Variants in SLC5A8 observed in about 807,000 individuals in gnomAD.
SLC5A8 encodes solute carrier family 5 member 8, also known as sodium-coupled monocarboxylate transporter 1.
Under a neutral mutation model 71.9 loss-of-function variants are expected in SLC5A8, and 55 were observed. That is an observed-to-expected ratio of 0.77 (90% CI 0.62 to 0.96). The LOEUF (loss-of-function observed/expected upper bound fraction) is 0.96, where lower values mean the gene tolerates loss of function less well. SLC5A8 is among the 40% of genes least tolerant of loss of function. The pLI is 0.00. For synonymous variants in SLC5A8, 307 were observed against 276.1 expected, an observed-to-expected ratio of 1.11 and a Z score of -1.11; for missense variants, 701 against 745.3, an observed-to-expected ratio of 0.94 and a Z score of 0.69.
rs1156573981 is a variant in SLC5A8 at position 101,204,579 on chromosome 12, A to C, written c.352-14T>G. 6.4e-7 allele frequency: 1 copy of C among 1,569,324 alleles called. No individual in the cohort carries two copies. The highest frequency in any genetic ancestry group is 8.6e-7 in the Non-Finnish European group (1 of 1,160,160). ...AAGTTCTAAATACTGTTGCAAAAAA[A>C]AAAATTATGCGAATCCTCTGGATGC... On this transcript the variant is annotated splice_polypyrimidine_tract_variant and intron_variant, in intron 1 of 14. Transcript: ENST00000536262.
At chr12:101,201,007 C>T (rs1455553355) in intron 3 of SLC5A8, among the ~76,000 whole-genome samples, 4 of 152,190 alleles carry the variant, frequency 2.6e-5, no homozygotes, top group African/African-American at 7.2e-5. Flanking sequence ...GTCATCAAAA[C>T]ACCTTCACTT....
chr12:101,157,917 A>C (rs1489696879), intron 14 of SLC5A8, among the ~76,000 whole-genome samples: 1 of 152,190 alleles, frequency 6.6e-6, no homozygotes, highest in African/African-American at 2.4e-5. Context: ...CAGAGAATAG[A>C]GGGATATACA....
At chr12:101,178,966 G>A (rs1265517047) in intron 10 of SLC5A8, among the ~76,000 whole-genome samples, 2 of 152,038 alleles carry the variant, frequency 1.3e-5, no homozygotes, top group Non-Finnish European at 2.9e-5. Context: ...AGTAAAAAAA[G>A]CAAACAATTG....
intron 7 of SLC5A8, among the ~76,000 whole-genome samples, 173 bp from the exon 8 acceptor site, chr12:101,184,395 G>A (rs142174150): frequency 1.4e-3 from 220 of 152,274 alleles, no homozygotes; most frequent in African/African-American, 5.0e-3. Flanking sequence ...TTAGAGAAAC[G>A]AATAGCACAG....
At chr12:101,209,425 A>G in intron 1 of SLC5A8, 73 bp downstream of exon 1, 12 of 1,211,032 alleles carry the variant, frequency 9.9e-6, no homozygotes, top group Non-Finnish European at 1.4e-5. Context: ...TGCCCCCAAG[A>G]AAACGCCTCC....
chr12:101,177,634 G>T (rs1220721953), intron 10 of SLC5A8, among the ~76,000 whole-genome samples: 1 of 152,066 alleles, frequency 6.6e-6, no homozygotes. Context: ...ATGCAAGGCT[G>T]GTTCTGCATT....
Position 101,162,059 on chromosome 12 carries a change from G to A in SLC5A8, c.1545C>T (p.Asn515=), listed in dbSNP as rs768390941. 1 of 1,613,370 alleles carries A rather than the reference G, an allele frequency of 6.2e-7. No homozygotes were observed. The highest frequency in any genetic ancestry group is 8.5e-7 in the Non-Finnish European group (1 of 1,179,552). The change falls in exon 13 of 15, where the codon AAC becomes AAT. Residue 515 remains asparagine, a synonymous_variant. Transcript: ENST00000536262. ...YNVQRTPLMD[N]WYSLSYLYFS... ...AGTACAGATATGATAAAGAATACCA[G>A]TTATCCATCAGTGGAGTCCTAAGAG...
At chr12:101,195,455 T>C (rs1198312158) in intron 3 of SLC5A8, among the ~76,000 whole-genome samples, 2 of 152,196 alleles carry the variant, frequency 1.3e-5, no homozygotes, top group Non-Finnish European at 2.9e-5. Flanking sequence ...GATACTGTGA[T>C]GGGTATTTCT....
chr12:101,181,525 C>T (rs184295431), intron 9 of SLC5A8, among the ~76,000 whole-genome samples: 2 of 152,268 alleles, frequency 1.3e-5, no homozygotes, highest in East Asian at 3.9e-4. Context: ...CAGTGCCTCC[C>T]GTTTTATATG....
chr12:101,172,656 C>G (rs746729260), intron 10 of SLC5A8, among the ~76,000 whole-genome samples: 1 of 152,056 alleles, frequency 6.6e-6, no homozygotes, highest in Non-Finnish European at 1.5e-5. Context: ...TTGGATGGTT[C>G]TGTCTGAAAG....
intron 3 of SLC5A8, 60 bp from the exon 4 acceptor site, chr12:101,195,222 CA>C (rs1869118975): frequency 3.2e-6 from 5 of 1,551,496 alleles, no homozygotes; most frequent in Non-Finnish European, 2.6e-6. Context: ...AAATAATCCT[CA>C]AAAATCATCA....
rs2096125844 is a variant in SLC5A8, at chr12:101,155,958, A to C, written c.*1321T>G. On this transcript the variant is annotated 3_prime_UTR_variant, in exon 15 of 15. Coordinates refer to ENST00000536262, the MANE Select transcript of SLC5A8 (RefSeq NM_145913.5). ...ATATTTCTCTTATGTTTCTAAAAAA[A>C]ATTGAGTTTAAAAAAGAACTTTTAA... The C allele has an allele frequency of 1.3e-5, 2 of 152,114 alleles. No homozygotes were observed. 9.4% of individuals were successfully genotyped at this position (152,114 alleles called of 1,614,324 possible). A position where few individuals can be genotyped will look rare whatever the true frequency, so the allele number is the denominator to read the frequency against.
chr12:101,200,671 G>C (rs1035482901), intron 3 of SLC5A8, among the ~76,000 whole-genome samples: 1 of 151,880 alleles, frequency 6.6e-6, no homozygotes, highest in African/African-American at 2.4e-5. Flanking sequence ...ATTTCTAAAG[G>C]ACATACTGAA....
intron 3 of SLC5A8, among the ~76,000 whole-genome samples, 153 bp downstream of exon 3, chr12:101,202,011 G>A (rs532020880): frequency 6.6e-6 from 1 of 152,320 alleles, no homozygotes; most frequent in Admixed American, 6.5e-5. Flanking sequence ...AGAAGCTAGT[G>A]TAGACACTGA....
At chr12:101,165,710 A>G (rs904094097) in intron 12 of SLC5A8, among the ~76,000 whole-genome samples, 2 of 152,156 alleles carry the variant, frequency 1.3e-5, no homozygotes, top group African/African-American at 4.8e-5. Flanking sequence ...GAGTGTGTCC[A>G]TTTTAAGAGG....
Position 101,210,076 on chromosome 12 carries a change from T to G in SLC5A8, c.-228A>C, listed in dbSNP as rs1869868285. On this transcript the variant is annotated 5_prime_UTR_variant, in exon 1 of 15. Transcript: ENST00000536262. ...GAGCCGCGCCCCTCAAACCCAGGTA[T>G]GGGACCTCGGAAAATCGACCCGCTG... The G allele has an allele frequency of 4.2e-6, 2 of 475,594 alleles. No homozygotes were observed. The highest frequency in any genetic ancestry group is 7.3e-6 in the Non-Finnish European group (2 of 274,490). The allele number at this position is 475,594 out of a possible 1,614,324, so 29.5% of individuals were successfully genotyped here. A position where few individuals can be genotyped will look rare whatever the true frequency, so the allele number is the denominator to read the frequency against.
intron 12 of SLC5A8, 39 bp downstream of exon 12, chr12:101,166,455 A>G (rs1322703702): frequency 2.6e-6 from 4 of 1,556,630 alleles, no homozygotes; most frequent in East Asian, 4.6e-5. Flanking sequence ...TGTTGCGTAA[A>G]TTTTTTAAAG....
At position 101,172,706 on chromosome 12, in the gene SLC5A8, G is replaced by A. The variant is rs2051841534; in HGVS notation, c.1234-4524C>T. Among the ~76,000 whole-genome samples, 3 of 152,180 alleles carry A rather than the reference G, an allele frequency of 2.0e-5. No homozygotes were observed. The South Asian group carries it at 6.2e-4, about 31-fold the overall frequency. ...GCCCGCTAGGGACCCTGGACCTGAA[G>A]AGTGGTATAGGGTGAGTTCCCTAAG... On this transcript the variant is annotated intron_variant, in intron 10 of 14. Transcript: ENST00000536262.
chr12:101,177,442 TATACAC>T (rs1253822952), intron 10 of SLC5A8, among the ~76,000 whole-genome samples: 3,492 of 133,424 alleles, frequency 0.026, 53 homozygotes, highest in South Asian at 0.036. Context: ...AAAGGCAGTA[TATACAC>T]ACACACACAC....
Sources: gnomAD v4.1 joint callset for allele counts (sites outside exome capture counted in the v4.1 genomes callset) on GRCh38, gnomAD v4.1.1 for gene constraint, MANE v1.5 for transcripts, NCBI Gene and HGNC (gene_info 2026-07-23, HGNC 2026-07-21) for gene names.